The following NUFIP1 variants were observed in gnomAD, a reference collection of about 807,000 sequenced individuals.
NUFIP1 encodes the protein FMR1-interacting protein NUFIP1.
In NUFIP1, 38 loss-of-function variants were observed where a neutral mutation model predicts 56.2. The ratio of observed to expected loss-of-function variants is 0.68; its 90% confidence interval spans 0.52 to 0.89. The LOEUF (loss-of-function observed/expected upper bound fraction) is 0.89. Ranked by LOEUF, NUFIP1 falls within the 40% of genes least tolerant of loss-of-function variation. The pLI is 0.00. For synonymous variants in NUFIP1, 215 were observed against 212.4 expected, an observed-to-expected ratio of 1.01 and a Z score of -0.10; for missense variants, 567 against 605.8, an observed-to-expected ratio of 0.94 and a Z score of 0.67.
intron 1 of NUFIP1, among the ~76,000 whole-genome samples, chr13:44,986,807 T>C (rs1566066348): frequency 6.6e-6 from 1 of 152,144 alleles, no homozygotes; most frequent in East Asian, 1.9e-4. Flanking sequence ...AAGTGCTTTT[T>C]TGAGAAGGAA....
At chr13:44,986,542 A>T (rs530386389) in intron 1 of NUFIP1, among the ~76,000 whole-genome samples, 18 of 152,158 alleles carry the variant, frequency 1.2e-4, no homozygotes, top group African/African-American at 3.6e-4. Flanking sequence ...ATACAAAAAA[A>T]TCAGCCGGGC....
At chr13:44,977,019 C>A (rs542856106) in intron 5 of NUFIP1, among the ~76,000 whole-genome samples, 1 of 152,330 alleles carries the variant, frequency 6.6e-6, no homozygotes, top group African/African-American at 2.4e-5. Flanking sequence ...CACTGGGGAC[C>A]AAGTTTCCAA....
intron 5 of NUFIP1, among the ~76,000 whole-genome samples, chr13:44,968,895 C>A (rs1871708927): frequency 6.6e-6 from 1 of 152,060 alleles, no homozygotes; most frequent in Admixed American, 6.6e-5. Flanking sequence ...GAAAGAGTTC[C>A]CTAAGTGAAA....
chr13:44,962,461 T>C (rs2137906665), intron 6 of NUFIP1, among the ~76,000 whole-genome samples: 2 of 152,346 alleles, frequency 1.3e-5, no homozygotes, highest in Middle Eastern at 6.8e-3. Flanking sequence ...TTAGTTGCTG[T>C]TCTAGATCCT....
At chr13:44,968,647 G>A (rs139280429) in intron 5 of NUFIP1, among the ~76,000 whole-genome samples, 31 of 152,218 alleles carry the variant, frequency 2.0e-4, no homozygotes, top group African/African-American at 6.5e-4. Flanking sequence ...TCACAGTGGC[G>A]AGACATGTAA....
intron 6 of NUFIP1, among the ~76,000 whole-genome samples, chr13:44,965,347 G>A (rs1170400881): frequency 6.6e-6 from 1 of 152,166 alleles, no homozygotes; most frequent in East Asian, 1.9e-4. Context: ...TTTATCAGCA[G>A]CGTGAAAATG....
At chr13:44,963,562 T>C (rs1364809493) in intron 6 of NUFIP1, among the ~76,000 whole-genome samples, 2 of 152,214 alleles carry the variant, frequency 1.3e-5, no homozygotes, top group African/African-American at 4.8e-5. Context: ...TTTCTATTAC[T>C]AGTTTGCTAA....
At chr13:44,971,426 A>G (rs1273232769) in intron 5 of NUFIP1, among the ~76,000 whole-genome samples, 1 of 151,966 alleles carries the variant, frequency 6.6e-6, no homozygotes, top group African/African-American at 2.4e-5. Context: ...CTCAGCCCCC[A>G]CCTGTCCTAC....
intron 1 of NUFIP1, among the ~76,000 whole-genome samples, chr13:44,983,679 C>G (rs1872278335): frequency 1.3e-5 from 2 of 152,132 alleles, no homozygotes; most frequent in South Asian, 4.1e-4. Flanking sequence ...TGCCTGTAGT[C>G]CCAGCTACTT....
At chr13:44,968,524 G>A (rs1261235587) in intron 5 of NUFIP1, among the ~76,000 whole-genome samples, 1 of 151,966 alleles carries the variant, frequency 6.6e-6, no homozygotes, top group African/African-American at 2.4e-5. Flanking sequence ...TTTAAAAGAA[G>A]ATGAGAAGCG....
rs577518079 is a variant in NUFIP1 at position 44,954,236 on chromosome 13, T to C, written c.1022-4398A>G. On this transcript the variant is annotated intron_variant, in intron 7 of 9. Coordinates refer to ENST00000379161, the MANE Select transcript of NUFIP1 (RefSeq NM_012345.3). ...ATCTGACAGAACCAGACTTTAGCAT[T>C]TTTATAAAATACGAGCTCAAACAAT... is the stretch of plus-strand genomic sequence containing the variant. 1.0e-3 allele frequency among the ~76,000 whole-genome samples: 154 copies of C among 152,314 alleles called. 1 individual carries two copies. Among genetic ancestry groups the C allele is most frequent in the Admixed American group, 1.9e-3 (29 of 15,296 alleles).
chr13:44,939,452 G>A lies in NUFIP1; in HGVS notation c.*1754C>T, dbSNP rs1035860900. 3.9e-5 allele frequency: 6 copies of A among 152,136 alleles called. No individual in the cohort carries two copies. Among genetic ancestry groups the A allele is most frequent in the Admixed American group, 3.3e-4 (5 of 15,278 alleles). The allele number at this position is 152,136 out of a possible 1,614,324, so 9.4% of individuals were successfully genotyped here. On this transcript the variant is annotated 3_prime_UTR_variant, in exon 10 of 10. Transcript: ENST00000379161. ...AAACGAACAATAAGATAGGAATGTA[G>A]AAGGCAGAAAGTTTGAACAATTAAC...
intron 5 of NUFIP1, among the ~76,000 whole-genome samples, chr13:44,975,749 C>T (rs980344126): frequency 1.3e-5 from 2 of 152,184 alleles, no homozygotes; most frequent in African/African-American, 2.4e-5. Context: ...CTCTTATATG[C>T]TGAGCAAGGG....
At chr13:44,944,670 T>C (rs1870854687) in intron 8 of NUFIP1, among the ~76,000 whole-genome samples, 1 of 152,056 alleles carries the variant, frequency 6.6e-6, no homozygotes, top group African/African-American at 2.4e-5. Flanking sequence ...ATAAAATAAG[T>C]ATCAATAAAT....
At chr13:44,962,763 A>G (rs1007192931) in intron 6 of NUFIP1, among the ~76,000 whole-genome samples, 3 of 152,192 alleles carry the variant, frequency 2.0e-5, no homozygotes, top group African/African-American at 7.2e-5. Flanking sequence ...TATTCATGGT[A>G]AGTGTCCCAT....
Position 44,959,457 on chromosome 13 carries a change from G to C in NUFIP1, c.945C>G (p.His315Gln), listed in dbSNP as rs758444656. Residue 315 changes from histidine (H) to glutamine (Q), a missense_variant, in exon 7 of 10, where the codon CAC (histidine) becomes CAG (glutamine). His to Gln is a conservative substitution (Grantham distance 24, BLOSUM62 0). Coordinates refer to ENST00000379161, the MANE Select transcript of NUFIP1 (RefSeq NM_012345.3). ...GACCTTCTAGCTTCAAATCACACAA[G>C]TGACTGCCTGATCCAGTGACTGCTC... ...RQRAVTGSGS[H>Q]LCDLKLEGPP... 8.1e-6 allele frequency: 13 copies of C among 1,614,024 alleles called. No homozygotes were observed. In the South Asian group the frequency reaches 1.3e-4, roughly 16 times the overall value.
chr13:44,952,849 C>T (rs895558427), intron 7 of NUFIP1, among the ~76,000 whole-genome samples: 1 of 152,200 alleles, frequency 6.6e-6, no homozygotes, highest in Non-Finnish European at 1.5e-5. Flanking sequence ...ACTCCTTAAT[C>T]TTCTTTAAAT....
intron 5 of NUFIP1, among the ~76,000 whole-genome samples, 167 bp from the exon 6 acceptor site, chr13:44,966,103 A>AAT (rs2137909975): frequency 1.3e-5 from 2 of 152,324 alleles, no homozygotes; most frequent in South Asian, 4.1e-4. Flanking sequence ...TACTTATAAC[A>AAT]ATGTTACTCA....
rs139719937 is a variant in NUFIP1 at position 44,989,111 on chromosome 13, G to A, written c.326C>T (p.Pro109Leu). Residue 109 changes from proline to leucine, a missense_variant, in exon 1 of 10, where the codon CCT (proline) becomes CTT (leucine). Transcript: ENST00000379161. ...CGATGTGGAAGCATGGAAATTCCAA[G>A]GCTGGCCGCTGGGTTGAGGCTGAGA... ...LDSQPQPSGQ[P>L]WNFHASTSWY... 41 of 1,614,202 alleles carry A rather than the reference G, an allele frequency of 2.5e-5. No homozygotes were observed. In the African/African-American group the frequency reaches 4.9e-4, roughly 19 times the overall value.
Sources: allele counts gnomAD v4.1 joint callset (sites outside exome capture counted in the v4.1 genomes callset), GRCh38; gene constraint gnomAD v4.1.1; transcripts MANE v1.5; gene names NCBI Gene and HGNC (gene_info 2026-07-23, HGNC 2026-07-21).